DNAAF6: variants seen among roughly 807,000 people sequenced by gnomAD.
DNAAF6 encodes the protein dynein axonemal assembly factor 6.
A neutral mutation model predicts 13.7 loss-of-function variants in DNAAF6; 3 were observed. The observed-to-expected ratio is 0.22, with a 90% CI of 0.10 to 0.56. The LOEUF is 0.56. Ranked by LOEUF, DNAAF6 falls within the 20% of genes least tolerant of loss-of-function variation. The pLI, the probability that DNAAF6 is intolerant of heterozygous loss-of-function variation, is 0.92. For missense variants in DNAAF6, 130 were observed against 151.0 expected, an observed-to-expected ratio of 0.86 and a Z score of 0.73; for synonymous variants, 54 against 49.2, an observed-to-expected ratio of 1.10 and a Z score of -0.41.
At position 107,226,819 on chromosome X, in the gene DNAAF6, A is replaced by AT. The variant is rs755111945; in HGVS notation, c.429+3984dup. The stretch of plus-strand genomic sequence containing the variant: ...ACCCAAGAAACAAGCCACTAAGCCT[A>AT]TTTTTTCCCAACATCACCTCCTCCC... On this transcript the variant is annotated intron_variant, in intron 5 of 6. Coordinates refer to ENST00000372453, the MANE Select transcript of DNAAF6 (RefSeq NM_173494.2). 3.1e-4 allele frequency among the ~76,000 whole-genome samples: 35 copies of AT among 111,126 alleles called. No homozygotes were observed. The South Asian group carries it at 8.5e-3, about 27-fold the overall frequency.
intron 5 of DNAAF6, among the ~76,000 whole-genome samples, chrX:107,236,133 C>G (rs1928508175): frequency 9.0e-6 from 1 of 110,993 alleles, no homozygotes; most frequent in Non-Finnish European, 1.9e-5. Context: ...GAGCCTGTCT[C>G]AAAAATAAAC....
intron 4 of DNAAF6, among the ~76,000 whole-genome samples, chrX:107,222,481 C>A (rs1287654652): frequency 9.0e-6 from 1 of 111,355 alleles, no homozygotes; most frequent in Non-Finnish European, 1.9e-5. Context: ...TTCCCTCAAT[C>A]TATTTTATTT....
At chrX:107,232,501 A>G (rs764342901) in intron 5 of DNAAF6, among the ~76,000 whole-genome samples, 2 of 112,365 alleles carry the variant, frequency 1.8e-5, no homozygotes, top group African/African-American at 6.5e-5. Flanking sequence ...CTGCCTTCAC[A>G]GAGCTTACCT....
chrX:107,222,261 A>T (rs1184138712), intron 4 of DNAAF6, among the ~76,000 whole-genome samples: 1 of 111,435 alleles, frequency 9.0e-6, no homozygotes, highest in Non-Finnish European at 1.9e-5. Context: ...AGACCCCATG[A>T]GTTTGTGACT....
rs761044795 is a variant in DNAAF6 at position 107,207,951 on chromosome X, T to A, written c.-4+1261T>A. On this transcript the variant is annotated intron_variant, in intron 1 of 6. Transcript: ENST00000372453. ...AAAGAGTTCTCATACTCCACCTGTA[T>A]CTAAAAAGAGTCCCTCCAACTTCTT... is the stretch of plus-strand genomic sequence containing the variant. 7.2e-5 allele frequency among the ~76,000 whole-genome samples: 8 copies of A among 110,744 alleles called. No individual in the cohort carries two copies. The South Asian group carries it at 2.7e-3, about 38-fold the overall frequency.
At chrX:107,237,578 A>G (rs1189993316) in intron 5 of DNAAF6, among the ~76,000 whole-genome samples, 1 of 112,639 alleles carries the variant, frequency 8.9e-6, no homozygotes, top group African/African-American at 3.2e-5. Context: ...ATCTAATTCC[A>G]GAACACTTTC....
At chrX:107,228,127 G>A (rs1928296442) in intron 5 of DNAAF6, among the ~76,000 whole-genome samples, 1 of 111,682 alleles carries the variant, frequency 9.0e-6, no homozygotes, top group Admixed American at 9.6e-5. Context: ...GATCAATAAA[G>A]GTAGAGGAAC....
At chrX:107,227,638 A>T (rs914227008) in intron 5 of DNAAF6, among the ~76,000 whole-genome samples, 24 of 110,519 alleles carry the variant, frequency 2.2e-4, no homozygotes, top group African/African-American at 7.9e-4. Flanking sequence ...TAAATTTCTA[A>T]TCGCTGTCTC....
intron 6 of DNAAF6, 74 bp downstream of exon 6, chrX:107,239,081 G>A (rs1928577863): frequency 9.2e-7 from 1 of 1,086,476 alleles, no homozygotes; most frequent in African/African-American, 1.9e-5. Flanking sequence ...TTTTTAAAAT[G>A]TACAGTTATT....
At chrX:107,225,367 C>G (rs1372848464) in intron 5 of DNAAF6, among the ~76,000 whole-genome samples, 1 of 111,029 alleles carries the variant, frequency 9.0e-6, no homozygotes, top group African/African-American at 3.3e-5. Context: ...GAATCTAAGA[C>G]ATCATAAAAT....
chrX:107,221,360 T>A (rs2147830680), intron 4 of DNAAF6, among the ~76,000 whole-genome samples: 1 of 108,857 alleles, frequency 9.2e-6, no homozygotes, highest in African/African-American at 3.3e-5. Flanking sequence ...GCTCAAGCAA[T>A]TCTCCCACCT....
chrX:107,227,486 G>GTT (rs1030572463), intron 5 of DNAAF6, among the ~76,000 whole-genome samples: 1 of 103,098 alleles, frequency 9.7e-6, no homozygotes, highest in African/African-American at 3.5e-5. Context: ...GATGGACCTA[G>GTT]TTTTTTTTTT....
chrX:107,242,580 A>C (rs180860897), intron 6 of DNAAF6, among the ~76,000 whole-genome samples: 1 of 112,974 alleles, frequency 8.9e-6, no homozygotes, highest in Admixed American at 9.3e-5. Context: ...GCATAAAACT[A>C]TCCAGCAACT....
At chrX:107,227,914 G>A (rs1325994899) in intron 5 of DNAAF6, among the ~76,000 whole-genome samples, 1 of 110,875 alleles carries the variant, frequency 9.0e-6, no homozygotes, top group Non-Finnish European at 1.9e-5. Context: ...CTATGGTCAA[G>A]GATGGAATAA....
rs768372176 is a variant in DNAAF6, at chrX:107,229,127, C to CTTTTTTTTTTT, written c.429+6304_429+6314dup. 2.9e-3 allele frequency among the ~76,000 whole-genome samples: 152 copies of CTTTTTTTTTTT among 51,590 alleles called. 53 individuals carry two copies. The highest frequency in any genetic ancestry group is 0.016 in the African/African-American group (143 of 9,002). The allele number at this position is 51,590 out of a possible 115,157, so 44.8% of individuals were successfully genotyped here. A position where few individuals can be genotyped will look rare whatever the true frequency, so the allele number is the denominator to read the frequency against. The stretch of plus-strand genomic sequence containing the variant: ...GCAGCATTCCACCCTGTTGACTACT[C>CTTTTTTTTTTT]TTTTTTTTTTTTTTTTTTTTTTTTT... On this transcript the variant is annotated intron_variant, in intron 5 of 6. Coordinates refer to ENST00000372453, the MANE Select transcript of DNAAF6 (RefSeq NM_173494.2).
At chrX:107,221,067 G>T (rs937723642) in intron 4 of DNAAF6, among the ~76,000 whole-genome samples, 1 of 108,990 alleles carries the variant, frequency 9.2e-6, no homozygotes, top group Non-Finnish European at 1.9e-5. Flanking sequence ...TGCCTTCCGG[G>T]TTCAAGCGAT....
At chrX:107,211,495 A>C (rs764591613) in intron 1 of DNAAF6, among the ~76,000 whole-genome samples, 2 of 112,124 alleles carry the variant, frequency 1.8e-5, no homozygotes, top group Non-Finnish European at 3.8e-5. Flanking sequence ...ATAATTTGGA[A>C]GTCCAATTGT....
rs1167573100 is a variant in DNAAF6 at position 107,222,663 on chromosome X, C to T, written c.333-82C>T. ...CCTTTTATTTTACCTAATAGCATAT[C>T]CTCATAAGTTACTAGTTTTCTTTTC... On this transcript the variant is annotated intron_variant, in intron 4 of 6. Coordinates refer to ENST00000372453, the MANE Select transcript of DNAAF6 (RefSeq NM_173494.2). 4.5e-6 allele frequency: 5 copies of T among 1,109,031 alleles called. No homozygotes were observed. In the South Asian group the frequency reaches 1.0e-4, roughly 22 times the overall value. The allele number at this position is 1,109,031 out of a possible 1,213,427, so 91.4% of individuals were successfully genotyped here. A position where few individuals can be genotyped will look rare whatever the true frequency, so the allele number is the denominator to read the frequency against.
At chrX:107,213,653 G>A (rs1483832945) in intron 2 of DNAAF6, among the ~76,000 whole-genome samples, 1 of 111,343 alleles carries the variant, frequency 9.0e-6, no homozygotes, top group Non-Finnish European at 1.9e-5. Context: ...TCATTGAACT[G>A]ACCTTTGACC....
Sources: gnomAD v4.1 joint callset for allele counts (sites outside exome capture counted in the v4.1 genomes callset) on GRCh38, gnomAD v4.1.1 for gene constraint, MANE v1.5 for transcripts, NCBI Gene and HGNC (gene_info 2026-07-23, HGNC 2026-07-21) for gene names.